The following SCHIP1 variants were observed in gnomAD, a reference collection of about 807,000 sequenced individuals.
SCHIP1 encodes schwannomin interacting protein 1, also known as schwannomin-interacting protein 1.
SCHIP1 carries 8 observed loss-of-function variants against 29.7 expected under a neutral mutation model. The observed-to-expected ratio is 0.27, with a 90% CI of 0.16 to 0.49. The LOEUF is 0.49. Ranked by LOEUF, SCHIP1 falls within the 20% of genes least tolerant of loss-of-function variation. The pLI is 0.99. For missense variants in SCHIP1, 193 were observed against 294.6 expected (o/e 0.66, Z 2.52); for synonymous variants, 76 against 94.9 (o/e 0.80, Z 1.16).
chr3:159,786,038 A>G, the SCHIP1 span, among the ~76,000 whole-genome samples: 10 of 152,176 alleles, frequency 6.6e-5, no homozygotes, highest in African/African-American at 2.2e-4. Context: ...CCCTCCCTCT[A>G]TGGGGAAAAT....
the SCHIP1 span, among the ~76,000 whole-genome samples, chr3:159,789,434 C>T: frequency 6.6e-6 from 1 of 152,214 alleles, no homozygotes. Flanking sequence ...CTGGCATTGA[C>T]AAACAACTGT....
the SCHIP1 span, among the ~76,000 whole-genome samples, chr3:159,652,499 G>A: frequency 3.9e-5 from 6 of 152,174 alleles, no homozygotes; most frequent in Admixed American, 2.0e-4. Flanking sequence ...CTGCCAGGTG[G>A]TAAGCTGGGG....
At chr3:159,759,591 TG>T in the SCHIP1 span, among the ~76,000 whole-genome samples, 1 of 152,180 alleles carries the variant, frequency 6.6e-6, no homozygotes, top group Non-Finnish European at 1.5e-5. Context: ...GTCATAAAGT[TG>T]GTTAGAGATA....
the SCHIP1 span, among the ~76,000 whole-genome samples, chr3:159,654,802 TAAAAAA>T: frequency 1.9e-4 from 20 of 103,808 alleles, no homozygotes; most frequent in African/African-American, 4.6e-4. Context: ...TGACTTTAAG[TAAAAAA>T]AAAAAAAAAA....
the SCHIP1 span, among the ~76,000 whole-genome samples, chr3:159,708,876 G>T: frequency 6.6e-6 from 1 of 152,174 alleles, no homozygotes; most frequent in Non-Finnish European, 1.5e-5. Context: ...TCATGACAAG[G>T]AATTGGAGTG....
chr3:159,530,641 T>C, the SCHIP1 span, among the ~76,000 whole-genome samples: 1 of 152,176 alleles, frequency 6.6e-6, no homozygotes, highest in Non-Finnish European at 1.5e-5. Context: ...CTACCCTGTG[T>C]CCTTGGAGTG....
the SCHIP1 span, among the ~76,000 whole-genome samples, chr3:159,365,809 C>T: frequency 6.6e-6 from 1 of 152,176 alleles, no homozygotes; most frequent in Non-Finnish European, 1.5e-5. Flanking sequence ...AGCTACTTCA[C>T]ACATTGGACA....
chr3:159,309,600 T>TA, the SCHIP1 span, among the ~76,000 whole-genome samples: 64,401 of 151,974 alleles, frequency 0.42, 14,051 homozygotes, highest in African/African-American at 0.5. Flanking sequence ...AGGTATCTTG[T>TA]ACCTTCCAGG....
At chr3:159,487,395 T>C in the SCHIP1 span, among the ~76,000 whole-genome samples, 5 of 152,162 alleles carry the variant, frequency 3.3e-5, no homozygotes, top group African/African-American at 9.7e-5. Context: ...ACAAACTTTT[T>C]GGATGTTCCC....
the SCHIP1 span, among the ~76,000 whole-genome samples, chr3:159,736,488 A>G: frequency 6.6e-6 from 1 of 152,192 alleles, no homozygotes; most frequent in African/African-American, 2.4e-5. Context: ...CTTCTTCCCC[A>G]ACTCCCCAAC....
At chr3:159,859,061 G>T (rs1311936852) in intron 1 of SCHIP1, among the ~76,000 whole-genome samples, 1 of 152,200 alleles carries the variant, frequency 6.6e-6, no homozygotes, top group African/African-American at 2.4e-5. Context: ...GCAATTGAAA[G>T]ATACTATTTT....
chr3:159,274,245 C>G, the SCHIP1 span: 15 of 985,312 alleles, frequency 1.5e-5, no homozygotes, highest in Admixed American at 4.9e-4. Flanking sequence ...ATGCACAAGA[C>G]TCTCTTTGGA....
At chr3:159,720,193 A>T in the SCHIP1 span, among the ~76,000 whole-genome samples, 3 of 127,774 alleles carry the variant, frequency 2.3e-5, no homozygotes, top group East Asian at 7.4e-4. Context: ...ACTCTTGGAC[A>T]CAGGGTGGGG....
chr3:159,399,946 G>A, the SCHIP1 span, among the ~76,000 whole-genome samples: 50 of 152,304 alleles, frequency 3.3e-4, no homozygotes, highest in Admixed American at 6.5e-4. Context: ...CCGAAGTGCT[G>A]AGATTACAGG....
chr3:159,567,938 A>T, the SCHIP1 span, among the ~76,000 whole-genome samples: 1 of 152,254 alleles, frequency 6.6e-6, no homozygotes, highest in Admixed American at 6.5e-5. Context: ...CAAATGTGGT[A>T]TATCTTTTCA....
chr3:159,590,132 A>G, the SCHIP1 span, among the ~76,000 whole-genome samples: 1 of 151,202 alleles, frequency 6.6e-6, no homozygotes, highest in Non-Finnish European at 1.5e-5. Context: ...GGGTAGAAGA[A>G]GAGGGTGGGC....
At chr3:159,853,791 CA>C (rs202168246) in intron 1 of SCHIP1, among the ~76,000 whole-genome samples, 9 of 151,778 alleles carry the variant, frequency 5.9e-5, no homozygotes, top group Non-Finnish European at 1.0e-4. Context: ...AGTTCACTGG[CA>C]AAAAAAATTA....
chr3:159,466,195 T>C, the SCHIP1 span, among the ~76,000 whole-genome samples: 2 of 152,070 alleles, frequency 1.3e-5, no homozygotes, highest in African/African-American at 2.4e-5. Flanking sequence ...AAATACAGAA[T>C]TGTGTAGTTG....
chr3:159,302,842 G>T, the SCHIP1 span, among the ~76,000 whole-genome samples: 2 of 152,062 alleles, frequency 1.3e-5, no homozygotes, highest in Admixed American at 6.5e-5. Context: ...CTCAGTCCTG[G>T]GCAAACTGAG....
Sources: gnomAD v4.1 joint callset for allele counts (sites outside exome capture counted in the v4.1 genomes callset) on GRCh38, gnomAD v4.1.1 for gene constraint, MANE v1.5 for transcripts, NCBI Gene and HGNC (gene_info 2026-07-23, HGNC 2026-07-21) for gene names.